MED6: variants seen among roughly 807,000 people sequenced by gnomAD.
The protein encoded by MED6 is mediator of RNA polymerase II transcription subunit 6.
In MED6, 33 loss-of-function variants were observed where a neutral mutation model predicts 37.5. That is an observed-to-expected ratio of 0.88 (90% CI 0.67 to 1.18). MED6 has a LOEUF of 1.18. Ranked by LOEUF, MED6 falls within the 50% of genes most tolerant of loss-of-function variation. The pLI, the probability that MED6 is intolerant of heterozygous loss-of-function variation, is 0.00. For missense variants in MED6, 235 were observed against 290.6 expected (o/e 0.81, Z 1.39); for synonymous variants, 94 against 93.6 (o/e 1.00, Z -0.02).
intron 6 of MED6, among the ~76,000 whole-genome samples, chr14:70,589,343 G>C (rs893322465): frequency 6.6e-6 from 1 of 152,058 alleles, no homozygotes; most frequent in African/African-American, 2.4e-5. Context: ...AACTTCACAT[G>C]TGATTTCCTA....
At chr14:70,596,921 TACA>T (rs1390052141) in intron 2 of MED6, among the ~76,000 whole-genome samples, 1 of 152,214 alleles carries the variant, frequency 6.6e-6, no homozygotes. Flanking sequence ...AAAATTTCTC[TACA>T]ACAATGTATT....
chr14:70,595,591 C>T (rs3784071), intron 3 of MED6: 17,428 of 732,424 alleles, frequency 0.024, 611 homozygotes, highest in African/African-American at 0.12. Context: ...CTGGCACAGG[C>T]CGGGGCAGAG....
intron 1 of MED6, among the ~76,000 whole-genome samples, chr14:70,599,649 C>G (rs1403068946): frequency 6.6e-6 from 1 of 152,190 alleles, no homozygotes; most frequent in Non-Finnish European, 1.5e-5. Flanking sequence ...CTTTAACACA[C>G]CAAACACACT....
intron 1 of MED6, among the ~76,000 whole-genome samples, chr14:70,600,074 T>C (rs10132252): frequency 0.37 from 55,680 of 151,874 alleles, 13,496 homozygotes; most frequent in African/African-American, 0.68. Context: ...ATTTGAGTAC[T>C]TCTGCAGTTC....
At chr14:70,598,866 A>T (rs1885121879) in intron 1 of MED6, among the ~76,000 whole-genome samples, 1 of 152,224 alleles carries the variant, frequency 6.6e-6, no homozygotes, top group Non-Finnish European at 1.5e-5. Flanking sequence ...TTAGGAAGCT[A>T]TTATTGTAGA....
rs867780970 is a variant in MED6 at position 70,598,505 on chromosome 14, G to A, written c.23-728C>T. 2.0e-5 allele frequency among the ~76,000 whole-genome samples: 3 copies of A among 152,044 alleles called. No homozygotes were observed. In the South Asian group the frequency reaches 6.2e-4, roughly 32 times the overall value. On this transcript the variant is annotated intron_variant, in intron 1 of 7. Transcript: ENST00000256379. ...AAAAAGACATGAAGAAATGTGTTAC[G>A]AGACTACAGAGGACCTGGGGAAACG...
chr14:70,596,536 A>C, intron 3 of MED6, 75 bp downstream of exon 3: 1 of 1,214,386 alleles, frequency 8.2e-7, no homozygotes, highest in Non-Finnish European at 1.2e-6. Context: ...CAATCAAAAA[A>C]ACAAGTTAGG....
chr14:70,585,743 A>T lies in MED6; in HGVS notation c.610+13T>A, dbSNP rs1200938685. On this transcript the variant is annotated intron_variant, in intron 7 of 7. Coordinates refer to ENST00000256379, the MANE Select transcript of MED6 (RefSeq NM_005466.4). ...TTATTTCAAGCGTAATAAGAATATT[A>T]CATGAACCATACCTGGAACAGGCTT... The T allele has an allele frequency of 6.3e-7, 1 of 1,595,530 alleles. No homozygotes were observed. The highest frequency in any genetic ancestry group is 2.3e-5 in the East Asian group (1 of 44,260).
intron 3 of MED6, chr14:70,595,764 C>T (rs1885026657): frequency 2.8e-6 from 2 of 713,562 alleles, no homozygotes; most frequent in African/African-American, 3.4e-5. Flanking sequence ...AAAGACCCCA[C>T]CCGCCAGGTA....
chr14:70,597,013 T>C (rs960095844), intron 2 of MED6, among the ~76,000 whole-genome samples: 12 of 152,230 alleles, frequency 7.9e-5, no homozygotes, highest in Admixed American at 5.9e-4. Context: ...CAAAATGCCA[T>C]GATGCTTCCT....
chr14:70,600,171 C>T (rs1379890125), intron 1 of MED6, among the ~76,000 whole-genome samples: 1 of 152,056 alleles, frequency 6.6e-6, no homozygotes, highest in Non-Finnish European at 1.5e-5. Context: ...AAGAAAATAT[C>T]TGGGATTCAT....
chr14:70,595,655 G>A, intron 3 of MED6: 3 of 956,158 alleles, frequency 3.1e-6, no homozygotes, highest in South Asian at 2.7e-5. Flanking sequence ...AGGTCAAGCT[G>A]TAGGCTGAGA....
intron 5 of MED6, chr14:70,591,604 T>C (rs1364266579): frequency 7.1e-6 from 3 of 419,792 alleles, no homozygotes; most frequent in East Asian, 5.0e-5. Context: ...CTGATACATA[T>C]GTCTTTTAAA....
At position 70,584,503 on chromosome 14, in the gene MED6, G is replaced by A; in HGVS notation, c.*310C>T. The A allele has an allele frequency of 6.4e-6, 2 of 313,302 alleles. No homozygotes were observed. The highest frequency in any genetic ancestry group is 1.2e-5 in the Non-Finnish European group (2 of 171,364). 19.4% of individuals were successfully genotyped at this position (313,302 alleles called of 1,614,324 possible). A position where few individuals can be genotyped will look rare whatever the true frequency, so the allele number is the denominator to read the frequency against. On this transcript the variant is annotated 3_prime_UTR_variant, in exon 8 of 8. Coordinates refer to ENST00000256379, the MANE Select transcript of MED6 (RefSeq NM_005466.4). ...CAAGTCTCCTGTCTCAGCCTCCCGA[G>A]TAGCTGGGACTATGGGCGCCCGCCA...
At chr14:70,591,151 A>T in intron 6 of MED6, 115 bp downstream of exon 6, 1 of 767,856 alleles carries the variant, frequency 1.3e-6, no homozygotes. Context: ...TCATTTTTTA[A>T]CTAATGAGGA....
chr14:70,589,378 GT>G (rs1884806436), intron 6 of MED6, among the ~76,000 whole-genome samples: 1 of 152,016 alleles, frequency 6.6e-6, no homozygotes, highest in Non-Finnish European at 1.5e-5. Flanking sequence ...ACTGTTACTA[GT>G]TGCATTCCTA....
intron 3 of MED6, chr14:70,594,821 T>C: frequency 3.1e-6 from 2 of 635,416 alleles, no homozygotes; most frequent in Admixed American, 1.9e-5. Context: ...CCTACCCTGG[T>C]TCAATGCCTG....
rs1885061572 is a variant in MED6 at position 70,596,791 on chromosome 14, A to G, written c.183-89T>C. ...TCAAATTATTATATAAAAATGCAGC[A>G]ACACTTTAAATAGGATTAAAACTGC... On this transcript the variant is annotated intron_variant, in intron 2 of 7. Transcript: ENST00000256379. 5 of 940,582 alleles carry G rather than the reference A, an allele frequency of 5.3e-6. No homozygotes were observed. The Admixed American group carries it at 8.8e-5, about 17-fold the overall frequency. The allele number at this position is 940,582 out of a possible 1,614,324, so 58.3% of individuals were successfully genotyped here.
chr14:70,596,815 G>T, intron 2 of MED6, 113 bp from the exon 3 acceptor site: 2 of 722,858 alleles, frequency 2.8e-6, no homozygotes, highest in Non-Finnish European at 4.5e-6. Flanking sequence ...GATTAAAACT[G>T]CCTATGTTTG....
Sources: gnomAD v4.1 joint callset for allele counts (sites outside exome capture counted in the v4.1 genomes callset) on GRCh38, gnomAD v4.1.1 for gene constraint, MANE v1.5 for transcripts, NCBI Gene and HGNC (gene_info 2026-07-23, HGNC 2026-07-21) for gene names.